The following ADAP1 variants were observed in gnomAD, a reference collection of about 807,000 sequenced individuals.
The protein encoded by ADAP1 is ArfGAP with dual PH domains 1.
ADAP1 carries 31 observed loss-of-function variants against 54.9 expected under a neutral mutation model. The ratio of observed to expected loss-of-function variants is 0.56; its 90% CI spans 0.42 to 0.76. The LOEUF (loss-of-function observed/expected upper bound fraction) is 0.76, where lower values mean the gene tolerates loss of function less well. Among genes scored for constraint, ADAP1 ranks in the 30% least tolerant of loss-of-function variants. The pLI, the probability that ADAP1 is intolerant of heterozygous loss-of-function variation, is 0.00. For missense variants in ADAP1, 535 were observed against 512.4 expected (o/e 1.04, Z -0.42); for synonymous variants, 313 against 202.6 (o/e 1.55, Z -4.63).
chr7:903,309 G>A (rs1016473716), intron 6 of ADAP1, among the ~76,000 whole-genome samples: 4 of 151,878 alleles, frequency 2.6e-5, no homozygotes, highest in Non-Finnish European at 5.9e-5. Flanking sequence ...GCACGTGGGA[G>A]GGGATGGAAA....
chr7:901,791 C>T (rs986542990), intron 6 of ADAP1, among the ~76,000 whole-genome samples: 1 of 151,422 alleles, frequency 6.6e-6, no homozygotes, highest in Non-Finnish European at 1.5e-5. Context: ...TCCGGCCCGC[C>T]CCGTCCCATT....
rs1300570628 is a variant in ADAP1, at chr7:920,097, A to AC, written c.306-48dup. ...AGCCACTGGGCCAAGGCGGCCTCCG[A>AC]CCCAGCACACGCCGCTCTCTGGCCC... On this transcript the variant is annotated intron_variant, in intron 3 of 10. Coordinates refer to ENST00000265846, the MANE Select transcript of ADAP1 (RefSeq NM_006869.4). The surrounding 1 kb of genome is among the most constrained non-coding windows in gnomAD (Gnocchi z 4.5). The AC allele has an allele frequency of 5.1e-6, 8 of 1,556,626 alleles. No individual in the cohort carries two copies. The highest frequency in any genetic ancestry group is 6.1e-6 in the Non-Finnish European group (7 of 1,143,890).
intron 4 of ADAP1, among the ~76,000 whole-genome samples, chr7:908,098 C>T (rs539280083): frequency 6.6e-6 from 1 of 152,160 alleles, no homozygotes; most frequent in Non-Finnish European, 1.5e-5. Context: ...GGCCTGGGAG[C>T]CCCGGTCATC....
chr7:919,909 G>GGAGGGAAAGAGATGGGGGAGA, intron 4 of ADAP1, 59 bp downstream of exon 4: 4 of 1,337,976 alleles, frequency 3.0e-6, no homozygotes, highest in Non-Finnish European at 4.1e-6. Context: ...GATGGGGGAG[G>GGAGGGAAAGAGATGGGGGAGA]GAGGGAGAGA....
chr7:942,183 C>A (rs62433087), intron 1 of ADAP1, among the ~76,000 whole-genome samples: 37,383 of 152,024 alleles, frequency 0.25, 5,021 homozygotes, highest in South Asian at 0.44. Context: ...TAAAGCCATA[C>A]AATTTTAAAA....
chr7:947,258 T>C (rs1847164920), intron 1 of ADAP1, among the ~76,000 whole-genome samples: 1 of 143,750 alleles, frequency 7.0e-6, no homozygotes, highest in African/African-American at 2.6e-5. Context: ...GGTCTCACCA[T>C]GTTGGCCAGG....
chr7:953,026 G>C (rs1344856395), intron 1 of ADAP1, among the ~76,000 whole-genome samples: 4 of 152,112 alleles, frequency 2.6e-5, no homozygotes, highest in Non-Finnish European at 5.9e-5. Flanking sequence ...AGGCTGTGTG[G>C]CCAGGGAGCA....
chr7:933,555 G>A (rs1233638446), intron 2 of ADAP1, among the ~76,000 whole-genome samples: 138 of 123,768 alleles, frequency 1.1e-3, no homozygotes, highest in Non-Finnish European at 2.0e-3. Flanking sequence ...CTGGAGAGCC[G>A]GGGGCCGGGG....
Position 954,676 on chromosome 7 carries a change from C to G in ADAP1, c.-199G>C, listed in dbSNP as rs1447883109. ...TCGTGTCTCCGCCGCGGTCGCTGAGCGAGTGCCGGCGCGGGGCCCGGGGCG... is the reference window on the plus strand; with the variant it reads ...TCGTGTCTCCGCCGCGGTCGCTGAGGGAGTGCCGGCGCGGGGCCCGGGGCG... On this transcript the variant is annotated 5_prime_UTR_variant, in exon 1 of 11. Coordinates refer to ENST00000265846, the MANE Select transcript of ADAP1 (RefSeq NM_006869.4). 1 of 981,770 alleles carries G rather than the reference C, an allele frequency of 1.0e-6. No homozygotes were observed. Among genetic ancestry groups the G allele is most frequent in the African/African-American group, 1.8e-5 (1 of 56,762 alleles). 60.8% of individuals were successfully genotyped at this position (981,770 alleles called of 1,614,324 possible). A position where few individuals can be genotyped will look rare whatever the true frequency, so the allele number is the denominator to read the frequency against.
In ADAP1 at chr7:899,145, G is replaced by A. The variant is rs1460318137; in HGVS notation, c.984C>T (p.Val328=). Residue 328 remains valine (V), a synonymous_variant, in exon 10 of 11, where the codon GTC becomes GTT. Coordinates refer to ENST00000265846, the MANE Select transcript of ADAP1 (RefSeq NM_006869.4). ...GHHWPHGITI[V]TPDRKFLFAC... ...CAAACAGAAACTTGCGGTCGGGCGT[G>A]ACGATGGTGATGCCATGTGGCCAGT... The A allele has an allele frequency of 6.2e-6, 10 of 1,610,732 alleles. No individual in the cohort carries two copies. Among genetic ancestry groups the A allele is most frequent in the Non-Finnish European group, 8.5e-6 (10 of 1,179,974 alleles).
At chr7:934,881 G>T (rs755969448) in intron 2 of ADAP1, among the ~76,000 whole-genome samples, 31 of 152,324 alleles carry the variant, frequency 2.0e-4, no homozygotes, top group Non-Finnish European at 3.1e-4. Context: ...GGCAGTGGCT[G>T]TGTCACCTCA....
At position 938,162 on chromosome 7, in the gene ADAP1, T is replaced by G. The variant is rs1042587163; in HGVS notation, c.83-2657A>C. 6.6e-6 allele frequency among the ~76,000 whole-genome samples: 1 copy of G among 152,040 alleles called. No homozygotes were observed. The highest frequency in any genetic ancestry group is 1.5e-5 in the Non-Finnish European group (1 of 68,014). ...GCCGTTGTTTGGTTTTGCGGGGTTTTTTTTGTCTTGTATTGTATTGTTTTG... is the reference window on the plus strand; with the variant it reads ...GCCGTTGTTTGGTTTTGCGGGGTTTGTTTTGTCTTGTATTGTATTGTTTTG... On this transcript the variant is annotated intron_variant, in intron 1 of 10. Coordinates refer to ENST00000265846, the MANE Select transcript of ADAP1 (RefSeq NM_006869.4). The surrounding 1 kb of genome is among the most constrained non-coding windows in gnomAD (Gnocchi z 4.4).
intron 8 of ADAP1, 48 bp from the exon 9 acceptor site, chr7:899,538 C>G: frequency 6.3e-7 from 1 of 1,584,772 alleles, no homozygotes; most frequent in South Asian, 1.1e-5. Flanking sequence ...GAGGCAGGCC[C>G]TACATCCAGC....
chr7:923,901 G>C (rs1367910368), intron 3 of ADAP1, among the ~76,000 whole-genome samples: 1 of 152,158 alleles, frequency 6.6e-6, no homozygotes, highest in Non-Finnish European at 1.5e-5. Context: ...AATCTTGGTG[G>C]GGGCAGACGT....
chr7:919,456 G>A (rs1263924271), intron 4 of ADAP1, among the ~76,000 whole-genome samples: 2 of 151,892 alleles, frequency 1.3e-5, no homozygotes, highest in Non-Finnish European at 2.9e-5. Context: ...GGCAAAACAG[G>A]TCCGGGGACG....
Position 905,365 on chromosome 7 carries a change from GGAAAGGGAAAGGAGAAAGGAGAAAGGA to G in ADAP1, c.389-220_389-194del, listed in dbSNP as rs1432200202. ...GAGATAGGAAGATGGGCAGGGAAAG[GGAAAGGGAAAGGAGAAAGGAGAAAGGA>G]GAAAGGAGAAAGGAGAAAGGGAGAA... On this transcript the variant is annotated intron_variant, in intron 4 of 10. Coordinates refer to ENST00000265846, the MANE Select transcript of ADAP1 (RefSeq NM_006869.4). 6.6e-4 allele frequency: 87 copies of G among 131,588 alleles called. 17 individuals carry two copies. Among genetic ancestry groups the G allele is most frequent in the South Asian group, 4.9e-3 (60 of 12,156 alleles). 8.2% of individuals were successfully genotyped at this position (131,588 alleles called of 1,614,324 possible).
At chr7:915,294 T>TCA (rs1845889609) in intron 4 of ADAP1, among the ~76,000 whole-genome samples, 1 of 152,102 alleles carries the variant, frequency 6.6e-6, no homozygotes, top group Non-Finnish European at 1.5e-5. Context: ...TCTGTGTACC[T>TCA]CACCCGTGCC....
chr7:914,862 C>A (rs990953624), intron 4 of ADAP1, among the ~76,000 whole-genome samples: 2 of 152,100 alleles, frequency 1.3e-5, no homozygotes, highest in African/African-American at 4.8e-5. Context: ...GCCTTCGTGC[C>A]TACTGACCAG....
Position 938,240 on chromosome 7 carries a change from CA to C in ADAP1, c.83-2736del, listed in dbSNP as rs895148930. The stretch of plus-strand genomic sequence containing the variant: ...CCAAGGTGGAGTGCAGTGGTGCAAT[CA>C]CAGCTCACAGCTCACTGCAGCCTCC... On this transcript the variant is annotated intron_variant, in intron 1 of 10. Coordinates refer to ENST00000265846, the MANE Select transcript of ADAP1 (RefSeq NM_006869.4). The surrounding 1 kb of genome is among the most constrained non-coding windows in gnomAD (Gnocchi z 4.4). Among the ~76,000 whole-genome samples the C allele has an allele frequency of 7.2e-5, 11 of 152,116 alleles. No individual in the cohort carries two copies. Among genetic ancestry groups the C allele is most frequent in the African/African-American group, 2.4e-4 (10 of 41,414 alleles).
Sources: allele counts gnomAD v4.1 joint callset (sites outside exome capture counted in the v4.1 genomes callset), GRCh38; gene constraint gnomAD v4.1.1; non-coding constraint Gnocchi (gnomAD v3.1); transcripts MANE v1.5; gene names NCBI Gene and HGNC (gene_info 2026-07-23, HGNC 2026-07-21).